Variants in MTDH observed in about 807,000 individuals in gnomAD.
The protein encoded by MTDH is protein LYRIC.
Under a neutral mutation model 72.7 loss-of-function variants are expected in MTDH, and 34 were observed. That is an observed-to-expected ratio of 0.47 (90% CI 0.36 to 0.62). The LOEUF (loss-of-function observed/expected upper bound fraction) is 0.62. Ranked by LOEUF, MTDH falls within the 20% of genes least tolerant of loss-of-function variation. The pLI is 0.00. For missense variants in MTDH, 677 were observed against 699.4 expected (o/e 0.97, Z 0.36); for synonymous variants, 266 against 268.9 (o/e 0.99, Z 0.10).
chr8:97,678,319 A>G (rs978786063), intron 2 of MTDH, among the ~76,000 whole-genome samples: 6 of 152,226 alleles, frequency 3.9e-5, no homozygotes, highest in Non-Finnish European at 8.8e-5. Flanking sequence ...AGGGAGAGAT[A>G]CCACCATGTG....
intron 2 of MTDH, among the ~76,000 whole-genome samples, chr8:97,662,602 A>G (rs538306518): frequency 1.1e-4 from 17 of 151,740 alleles, no homozygotes; most frequent in African/African-American, 4.1e-4. Flanking sequence ...CCTGGCCAAC[A>G]TGATGAAACA....
rs1440922228 is a variant in MTDH at position 97,644,333 on chromosome 8, C to T, written c.-174C>T. On this transcript the variant is annotated 5_prime_UTR_variant, in exon 1 of 12. Coordinates refer to ENST00000336273, the MANE Select transcript of MTDH (RefSeq NM_178812.4). ...GGCTGACAGCGGGGAACCTGGGAGACCCCTCCGCCCTCCCCGCGGTGGCAG... is the reference window on the plus strand; with the variant it reads ...GGCTGACAGCGGGGAACCTGGGAGATCCCTCCGCCCTCCCCGCGGTGGCAG... 1 of 817,792 alleles carries T rather than the reference C, an allele frequency of 1.2e-6. No individual in the cohort carries two copies. The highest frequency in any genetic ancestry group is 1.8e-5 in the African/African-American group (1 of 54,316). The allele number at this position is 817,792 out of a possible 1,614,324, so 50.7% of individuals were successfully genotyped here. A position where few individuals can be genotyped will look rare whatever the true frequency, so the allele number is the denominator to read the frequency against.
At chr8:97,676,084 C>G (rs1389912123) in intron 2 of MTDH, among the ~76,000 whole-genome samples, 1 of 151,756 alleles carries the variant, frequency 6.6e-6, no homozygotes, top group Non-Finnish European at 1.5e-5. Context: ...GGACTACAGG[C>G]GTGCACCACC....
chr8:97,699,760 C>T lies in MTDH; in HGVS notation c.1055C>T (p.Thr352Ile), dbSNP rs754165923. The stretch of plus-strand genomic sequence containing the variant: ...CATTCGTTTTTCATTTAAGGGTCTA[C>T]TGCTGAGCCAGTTTCTCAGTCTACC... ...DRSIFSGIGS[T>I]AEPVSQSTTS... The change falls in exon 7 of 12, where the codon ACT becomes ATT. Residue 352 changes from threonine (T) to isoleucine (I), a missense_variant. Physicochemically the swap from Thr to Ile is moderately conservative, Grantham distance 89 (BLOSUM62 -1). Around this residue, in one of 3 missense-constraint regions of MTDH, gnomAD observed 467 missense variants for 469.1 expected, o/e 1.00. Transcript: ENST00000336273. The T allele has an allele frequency of 1.9e-6, 3 of 1,607,740 alleles. No individual in the cohort carries two copies. The highest frequency in any genetic ancestry group is 3.3e-5 in the Admixed American group (2 of 59,906).
chr8:97,677,868 CTG>C lies in MTDH; in HGVS notation c.484-8799_484-8798del, dbSNP rs537130675. On this transcript the variant is annotated intron_variant, in intron 2 of 11. Transcript: ENST00000336273. ...TTTTACTGAATTTAATTATAAATGA[CTG>C]GATGCATTTCTTGAGGGTTTCTTAT... 2.7e-3 allele frequency among the ~76,000 whole-genome samples: 415 copies of C among 152,170 alleles called. 1 individual carries two copies. The highest frequency in any genetic ancestry group is 9.5e-3 in the African/African-American group (393 of 41,518).
chr8:97,720,641 TTTGAC>T (rs1815080346), intron 10 of MTDH, among the ~76,000 whole-genome samples: 2 of 139,364 alleles, frequency 1.4e-5, no homozygotes, highest in South Asian at 2.4e-4. Context: ...AAAGGGTCTA[TTTGAC>T]TTTTTTTTTT....
chr8:97,651,639 T>C (rs72669697), intron 1 of MTDH, among the ~76,000 whole-genome samples: 6,685 of 152,248 alleles, frequency 0.044, 200 homozygotes, highest in Non-Finnish European at 0.066. Context: ...AAATAAATTT[T>C]AGTGAAAAGA....
intron 8 of MTDH, among the ~76,000 whole-genome samples, chr8:97,709,501 A>C (rs550683736): frequency 5.9e-5 from 9 of 152,310 alleles, no homozygotes; most frequent in African/African-American, 1.9e-4. Flanking sequence ...ATTTCTAAGC[A>C]AAAGTGAGCT....
In MTDH at chr8:97,728,991, A is replaced by G. The variant is rs1216938322; in HGVS notation, c.*4321A>G. ...CAGTGGCACACTTCTGGCTCACTTC[A>G]GCCTGGAACTCCCGGGCTCGAGCTA... On this transcript the variant is annotated 3_prime_UTR_variant, in exon 12 of 12. Transcript: ENST00000336273. Among the ~76,000 whole-genome samples the G allele has an allele frequency of 6.7e-6, 1 of 149,122 alleles. No individual in the cohort carries two copies. The highest frequency in any genetic ancestry group is 1.5e-5 in the Non-Finnish European group (1 of 67,588).
intron 7 of MTDH, among the ~76,000 whole-genome samples, chr8:97,701,008 G>A (rs1169181847): frequency 6.6e-6 from 1 of 152,106 alleles, no homozygotes; most frequent in Non-Finnish European, 1.5e-5. Context: ...GGGGGCTGGG[G>A]GTTTTCAGTA....
intron 8 of MTDH, 135 bp downstream of exon 8, chr8:97,706,885 C>G: frequency 5.3e-6 from 5 of 950,448 alleles, no homozygotes; most frequent in Non-Finnish European, 7.3e-6. Context: ...TCAAGGCCAG[C>G]CTGGGCAACA....
rs1813543487 is a variant in MTDH, at chr8:97,690,192, T to C, written c.812-760T>C. ...TTTTAGTAGAGGCAGGGTTTCACCA[T>C]GTTGGCCAGGCTAGTCTTGAACCCT... On this transcript the variant is annotated intron_variant, in intron 5 of 11. Transcript: ENST00000336273. Among the ~76,000 whole-genome samples the C allele has an allele frequency of 5.3e-5, 8 of 152,122 alleles. 1 individual carries two copies. The South Asian group carries it at 1.7e-3, about 32-fold the overall frequency.
intron 2 of MTDH, among the ~76,000 whole-genome samples, chr8:97,677,986 T>C (rs1812924970): frequency 1.3e-5 from 2 of 152,194 alleles, no homozygotes; most frequent in African/African-American, 4.8e-5. Context: ...CAAAATGCAT[T>C]CATTCATTAG....
At chr8:97,665,619 G>A (rs1247983833) in intron 2 of MTDH, among the ~76,000 whole-genome samples, 1 of 152,162 alleles carries the variant, frequency 6.6e-6, no homozygotes, top group Non-Finnish European at 1.5e-5. Context: ...GGTATTTTCA[G>A]TAAGTAGGCA....
chr8:97,687,666 C>A, intron 4 of MTDH, 61 bp downstream of exon 4: 1 of 1,358,324 alleles, frequency 7.4e-7, no homozygotes, highest in Non-Finnish European at 1.0e-6. Flanking sequence ...TTCGGATGTA[C>A]AAAATATCAT....
At chr8:97,647,394 T>G (rs1016639134) in intron 1 of MTDH, among the ~76,000 whole-genome samples, 11 of 152,242 alleles carry the variant, frequency 7.2e-5, no homozygotes, top group African/African-American at 2.6e-4. Context: ...AGACCTCATC[T>G]CTACAAAAAA....
At chr8:97,705,615 G>T (rs1814320606) in intron 7 of MTDH, among the ~76,000 whole-genome samples, 1 of 151,948 alleles carries the variant, frequency 6.6e-6, no homozygotes, top group South Asian at 2.1e-4. Flanking sequence ...AAAAAATAAA[G>T]AAAGAATTGA....
Position 97,644,520 on chromosome 8 carries a change from G to A in MTDH, c.14G>A (p.Ser5Asn). Residue 5 changes from serine (S) to asparagine (N), a missense_variant, in exon 1 of 12, where the codon AGC becomes AAC. By Grantham distance (46) the Ser-to-Asn change is conservative. Transcript: ENST00000336273. Reference sequence around the variant, plus strand: ...ACGGGAGGGAAGATGGCTGCACGGAGCTGGCAGGACGAGCTGGCCCAGCAG... The same window carrying A: ...ACGGGAGGGAAGATGGCTGCACGGAACTGGCAGGACGAGCTGGCCCAGCAG... MAAR[S>N]WQDELAQQAE... 1 of 1,589,362 alleles carries A rather than the reference G, an allele frequency of 6.3e-7. No individual in the cohort carries two copies. The highest frequency in any genetic ancestry group is 8.5e-7 in the Non-Finnish European group (1 of 1,173,454).
In MTDH at chr8:97,691,096, C is replaced by T. The variant is rs1813589102; in HGVS notation, c.956C>T (p.Pro319Leu). 4 of 1,614,022 alleles carry T rather than the reference C, an allele frequency of 2.5e-6. No homozygotes were observed. In the East Asian group the frequency reaches 6.7e-5, roughly 27 times the overall value. ...TCTGCAGGAAAGAGGAAAACTGAGC[C>T]ATCTGCCTGGAGTCAAGACACTGGA... is the stretch of plus-strand genomic sequence containing the variant. ...PASAGKRKTE[P>L]SAWSQDTGDA... The change falls in exon 6 of 12, where the codon CCA becomes CTA. Residue 319 changes from proline to leucine, a missense_variant. Transcript: ENST00000336273.
Sources: allele counts gnomAD v4.1 joint callset (sites outside exome capture counted in the v4.1 genomes callset), GRCh38; gene constraint gnomAD v4.1.1; regional missense constraint gnomAD v4.1.1; transcripts MANE v1.5; gene names NCBI Gene and HGNC (gene_info 2026-07-23, HGNC 2026-07-21).